Variants in SLC4A4 observed in about 807,000 individuals in gnomAD.
SLC4A4 encodes the protein solute carrier family 4 member 4, also known as electrogenic sodium bicarbonate cotransporter 1.
In SLC4A4, 27 loss-of-function variants were observed where a neutral mutation model predicts 111.5. The observed-to-expected ratio is 0.24, with a 90% CI of 0.18 to 0.33. The LOEUF is 0.33. SLC4A4 is among the 10% of genes least tolerant of loss of function. The pLI, the probability that SLC4A4 is intolerant of heterozygous loss-of-function variation, is 1.00. For missense variants in SLC4A4, 909 were observed against 1,315.5 expected (o/e 0.69, Z 4.78); for synonymous variants, 443 against 463.4 (o/e 0.96, Z 0.57).
chr4:71,279,586 C>T (rs1261914155), intron 3 of SLC4A4, among the ~76,000 whole-genome samples: 1 of 151,972 alleles, frequency 6.6e-6, no homozygotes, highest in East Asian at 1.9e-4. Flanking sequence ...TATGTGAGTG[C>T]AGATATTAAT....
chr4:71,474,748 T>A (rs142255687), intron 14 of SLC4A4, among the ~76,000 whole-genome samples: 1 of 151,848 alleles, frequency 6.6e-6, no homozygotes. Flanking sequence ...AATTTAAAGA[T>A]TCAAACTAAT....
chr4:71,215,983 C>T (rs1718407312), intron 1 of SLC4A4, among the ~76,000 whole-genome samples: 1 of 148,546 alleles, frequency 6.7e-6, no homozygotes, highest in Admixed American at 6.8e-5. Flanking sequence ...TGGCTAATTG[C>T]ATCTTCCGCC....
chr4:71,571,945 C>A lies in SLC4A4; in HGVS notation c.*4194C>A, dbSNP rs15439. On this transcript the variant is annotated 3_prime_UTR_variant, in exon 26 of 26. Transcript: ENST00000264485. ...TTTTCCAATATAAATCCTAAAATTC[C>A]TATAACATAGTATTTTACAGTTTTA... The A allele has an allele frequency of 6.6e-6, 1 of 152,144 alleles. No individual in the cohort carries two copies. Among genetic ancestry groups the A allele is most frequent in the Non-Finnish European group, 1.5e-5 (1 of 67,878 alleles). 9.4% of individuals were successfully genotyped at this position (152,144 alleles called of 1,614,324 possible).
chr4:71,074,039 G>GA (rs554593584), intron 1 of SLC4A4, among the ~76,000 whole-genome samples: 62 of 147,490 alleles, frequency 4.2e-4, no homozygotes, highest in South Asian at 3.0e-3. Context: ...TCAAGAAAAA[G>GA]AAAAAAAAAA....
At chr4:71,130,388 C>A (rs1355747168) in intron 2 of SLC4A4, among the ~76,000 whole-genome samples, 1 of 152,132 alleles carries the variant, frequency 6.6e-6, no homozygotes, top group Non-Finnish European at 1.5e-5. Context: ...TGCCTCCATG[C>A]TGGCTAATTA....
At chr4:71,127,101 C>T (rs1384065947) in intron 2 of SLC4A4, among the ~76,000 whole-genome samples, 1 of 152,182 alleles carries the variant, frequency 6.6e-6, no homozygotes, top group Non-Finnish European at 1.5e-5. Flanking sequence ...TGCTTTCAGC[C>T]ACTTATATCC....
intron 7 of SLC4A4, among the ~76,000 whole-genome samples, chr4:71,417,319 T>C (rs1721913754): frequency 6.6e-6 from 1 of 152,132 alleles, no homozygotes; most frequent in Non-Finnish European, 1.5e-5. Context: ...GAGGTAAGGC[T>C]AGGGAAAGTC....
intron 3 of SLC4A4, among the ~76,000 whole-genome samples, chr4:71,311,377 T>G (rs1726145435): frequency 6.6e-6 from 1 of 152,104 alleles, no homozygotes. Context: ...CCACCCCAAA[T>G]TAACAGAATA....
In SLC4A4 at chr4:71,154,336, C is replaced by T. The variant is rs890817868; in HGVS notation, c.-2+61544C>T. Among the ~76,000 whole-genome samples the T allele has an allele frequency of 2.6e-5, 4 of 152,168 alleles. No individual in the cohort carries two copies. In the South Asian group the frequency reaches 6.2e-4, roughly 24 times the overall value. On this transcript the variant is annotated intron_variant, in intron 2 of 26. Transcript: ENST00000649996. The stretch of plus-strand genomic sequence containing the variant: ...TCATAGGCAAGCTGTGATGAAGGAA[C>T]TTGGTCACAGGATTAGAGTGTGGAC...
intron 5 of SLC4A4, among the ~76,000 whole-genome samples, chr4:71,356,122 G>A (rs1730266991): frequency 6.6e-6 from 1 of 152,176 alleles, no homozygotes; most frequent in African/African-American, 2.4e-5. Context: ...ATGTAGAGTA[G>A]AATGTACCAG....
intron 6 of SLC4A4, among the ~76,000 whole-genome samples, chr4:71,359,008 A>G (rs923478738): frequency 1.3e-5 from 2 of 152,210 alleles, no homozygotes; most frequent in African/African-American, 4.8e-5. Context: ...TTCAAAAAGA[A>G]GTGGAATGAA....
intron 2 of SLC4A4, among the ~76,000 whole-genome samples, chr4:71,112,477 A>G (rs1438330165): frequency 6.6e-6 from 1 of 152,240 alleles, no homozygotes; most frequent in African/African-American, 2.4e-5. Context: ...GATAACTGAG[A>G]TGATGGGATC....
At chr4:71,389,685 C>T (rs1041245187) in intron 6 of SLC4A4, among the ~76,000 whole-genome samples, 1 of 152,148 alleles carries the variant, frequency 6.6e-6, no homozygotes, top group Non-Finnish European at 1.5e-5. Context: ...GCATCTCCCT[C>T]CATAGGAAAT....
intron 13 of SLC4A4, among the ~76,000 whole-genome samples, chr4:71,471,558 G>A (rs1727871553): frequency 6.6e-6 from 1 of 151,870 alleles, no homozygotes; most frequent in South Asian, 2.1e-4. Flanking sequence ...TAAAAGCAAG[G>A]TTCTAGAGTG....
At chr4:71,490,233 T>C (rs1729775417) in intron 15 of SLC4A4, among the ~76,000 whole-genome samples, 1 of 151,870 alleles carries the variant, frequency 6.6e-6, no homozygotes. Context: ...AGTTTCCAGC[T>C]CTCAGAGTGT....
At chr4:71,493,107 A>T (rs1390244871) in intron 15 of SLC4A4, among the ~76,000 whole-genome samples, 1 of 151,880 alleles carries the variant, frequency 6.6e-6, no homozygotes, top group African/African-American at 2.4e-5. Flanking sequence ...TCTAGATGTG[A>T]CTGTTAACTC....
chr4:71,504,666 G>T (rs916555100), intron 16 of SLC4A4, among the ~76,000 whole-genome samples: 20 of 51,618 alleles, frequency 3.9e-4, no homozygotes, highest in Non-Finnish European at 5.2e-4. Flanking sequence ...TGTTTCATGG[G>T]GGGGGGGGTG....
intron 2 of SLC4A4, among the ~76,000 whole-genome samples, chr4:71,146,385 G>A (rs1396041673): frequency 6.6e-6 from 1 of 152,128 alleles, no homozygotes. Context: ...GTCAATTTTG[G>A]AATAGGTGTG....
intron 22 of SLC4A4, 25 bp downstream of exon 22, chr4:71,557,910 A>G (rs749435184): frequency 1.9e-6 from 3 of 1,562,936 alleles, no homozygotes; most frequent in Admixed American, 1.7e-5. Flanking sequence ...AATTGAACGT[A>G]CCTGTGAGAT....
Sources: allele counts gnomAD v4.1 joint callset (sites outside exome capture counted in the v4.1 genomes callset), GRCh38; gene constraint gnomAD v4.1.1; transcripts MANE v1.5; gene names NCBI Gene and HGNC (gene_info 2026-07-23, HGNC 2026-07-21).